The following CTTNBP2NL variants were observed in gnomAD, a reference collection of about 807,000 sequenced individuals.
CTTNBP2NL encodes the protein CTTNBP2 N-terminal-like protein.
In CTTNBP2NL, 16 loss-of-function variants were observed where a neutral mutation model predicts 32.5. The observed-to-expected ratio is 0.49, with a 90% confidence interval of 0.33 to 0.75. The LOEUF is 0.75. Among genes scored for constraint, CTTNBP2NL ranks in the 30% least tolerant of loss-of-function variants. The pLI, the probability that CTTNBP2NL is intolerant of heterozygous loss-of-function variation, is 0.02. For missense variants in CTTNBP2NL, 645 were observed against 756.0 expected, an observed-to-expected ratio of 0.85 and a Z score of 1.72; for synonymous variants, 298 against 289.4, an observed-to-expected ratio of 1.03 and a Z score of -0.30.
chr1:112,456,015 C>T lies in CTTNBP2NL; in HGVS notation c.523C>T (p.His175Tyr), dbSNP rs758227337. ...TCAGCTGGAAGAGGAGCGCTCCCGC[C>T]ACAAGCAGCTCTCATCCATGCTAGT... ...SSQLEEERSR[H>Y]KQLSSMLVLE... Residue 175 changes from histidine (H) to tyrosine (Y), a missense_variant, in exon 6 of 6, where the codon CAC (histidine) becomes TAC (tyrosine). Transcript: ENST00000271277. 16 of 1,613,984 alleles carry T rather than the reference C, an allele frequency of 9.9e-6. No individual in the cohort carries two copies. Among genetic ancestry groups the T allele is most frequent in the Non-Finnish European group, 1.4e-5 (16 of 1,180,020 alleles).
rs1049543307 is a variant in CTTNBP2NL, at chr1:112,458,000, G to A, written c.*588G>A. On this transcript the variant is annotated 3_prime_UTR_variant, in exon 6 of 6. Coordinates refer to ENST00000271277, the MANE Select transcript of CTTNBP2NL (RefSeq NM_018704.3). ...TAGAATGGGAATCCTTCTAAAGGTG[G>A]GTGTGAACTCACCACAAGCTGAGCT... 6.5e-6 allele frequency: 1 copy of A among 152,952 alleles called. No homozygotes were observed. Among genetic ancestry groups the A allele is most frequent in the East Asian group, 1.9e-4 (1 of 5,206 alleles). The allele number at this position is 152,952 out of a possible 1,614,324, so 9.5% of individuals were successfully genotyped here. A position where few individuals can be genotyped will look rare whatever the true frequency, so the allele number is the denominator to read the frequency against.
chr1:112,452,335 C>CTTTT lies in CTTNBP2NL; in HGVS notation c.331-2090_331-2087dup, dbSNP rs1157736195. On this transcript the variant is annotated intron_variant, in intron 4 of 5. Transcript: ENST00000271277. The stretch of plus-strand genomic sequence containing the variant: ...GCATACACCACAGCACCAGTCTCTT[C>CTTTT]TTTTTTTTTTTTTTTTTTTTTTTTT... Among the ~76,000 whole-genome samples the CTTTT allele has an allele frequency of 1.4e-3, 91 of 65,722 alleles. 6 individuals carry two copies. Among genetic ancestry groups the CTTTT allele is most frequent in the African/African-American group, 5.2e-3 (86 of 16,414 alleles). 43.1% of individuals were successfully genotyped at this position (65,722 alleles called of 152,430 possible).
intron 3 of CTTNBP2NL, among the ~76,000 whole-genome samples, chr1:112,426,003 GTC>G (rs759872132): frequency 0.15 from 8,504 of 57,268 alleles, 456 homozygotes; most frequent in South Asian, 0.26. Context: ...GTGTGTGTGT[GTC>G]TGTCTGTCTT....
intron 2 of CTTNBP2NL, 170 bp from the exon 3 acceptor site, chr1:112,415,987 T>G (rs191409593): frequency 4.2e-4 from 223 of 535,046 alleles, no homozygotes; most frequent in Admixed American, 1.9e-3. Flanking sequence ...TTTCTGTTGT[T>G]GCTTAGTTTG....
intron 1 of CTTNBP2NL, among the ~76,000 whole-genome samples, chr1:112,403,348 G>T (rs542022811): frequency 6.6e-6 from 1 of 152,292 alleles, no homozygotes; most frequent in African/African-American, 2.4e-5. Context: ...AAGTCCAGTT[G>T]TGTTGGCTGA....
intron 1 of CTTNBP2NL, among the ~76,000 whole-genome samples, chr1:112,397,178 A>G (rs1648356685): frequency 6.6e-6 from 1 of 152,214 alleles, no homozygotes; most frequent in Non-Finnish European, 1.5e-5. Flanking sequence ...CAGTCAATGA[A>G]TAACACCATG....
chr1:112,443,419 G>A (rs769313605), intron 3 of CTTNBP2NL, among the ~76,000 whole-genome samples: 3 of 152,160 alleles, frequency 2.0e-5, no homozygotes. Flanking sequence ...TCACCATGTT[G>A]GCCAGGCTGG....
At chr1:112,450,119 G>T (rs1382788068) in intron 4 of CTTNBP2NL, among the ~76,000 whole-genome samples, 1 of 152,196 alleles carries the variant, frequency 6.6e-6, no homozygotes, top group Admixed American at 6.5e-5. Context: ...TGCAAAATTT[G>T]GTGGACCTTA....
At position 112,460,563 on chromosome 1, in the gene CTTNBP2NL, G is replaced by A. The variant is rs1650521408; in HGVS notation, c.*3151G>A. Reference sequence around the variant, plus strand: ...GCCTATATGCAAAATTTGTTTGATGGCTTCATAGGATCCAAAGACCCTGAA... The same window carrying A: ...GCCTATATGCAAAATTTGTTTGATGACTTCATAGGATCCAAAGACCCTGAA... On this transcript the variant is annotated 3_prime_UTR_variant, in exon 6 of 6. Transcript: ENST00000271277. 1 of 152,130 alleles carries A rather than the reference G, an allele frequency of 6.6e-6. No homozygotes were observed. Among genetic ancestry groups the A allele is most frequent in the African/African-American group, 2.4e-5 (1 of 41,406 alleles). The allele number at this position is 152,130 out of a possible 1,614,324, so 9.4% of individuals were successfully genotyped here.
chr1:112,455,723 A>G (rs1215576032), intron 5 of CTTNBP2NL, among the ~76,000 whole-genome samples: 1 of 152,280 alleles, frequency 6.6e-6, no homozygotes, highest in East Asian at 1.9e-4. Context: ...GCAAGACAGT[A>G]TGGGAACTAG....
chr1:112,427,252 C>T (rs1007784372), intron 3 of CTTNBP2NL, among the ~76,000 whole-genome samples: 3 of 151,966 alleles, frequency 2.0e-5, no homozygotes, highest in African/African-American at 4.8e-5. Flanking sequence ...AGTATTTTTC[C>T]GAAGGCATTT....
intron 3 of CTTNBP2NL, among the ~76,000 whole-genome samples, chr1:112,440,716 A>G (rs1649869376): frequency 6.6e-6 from 1 of 152,364 alleles, no homozygotes; most frequent in South Asian, 2.1e-4. Context: ...TTAACTATAT[A>G]TAACACTTAT....
chr1:112,456,584 A>C lies in CTTNBP2NL; in HGVS notation c.1092A>C (p.Ala364=), dbSNP rs774612233. Residue 364 remains alanine, a synonymous_variant, in exon 6 of 6, where the codon GCA becomes GCC. Transcript: ENST00000271277. Reference sequence around the variant, plus strand: ...TACAAACTACCAGGGAGCTGACTGCAGGCAACAATGTAGAAAACCAGGTGC... The same window carrying C: ...TACAAACTACCAGGGAGCTGACTGCCGGCAACAATGTAGAAAACCAGGTGC... The part of the protein sequence containing the change: ...PEIQTTRELT[A]GNNVENQVPP... The C allele has an allele frequency of 2.7e-5, 43 of 1,614,160 alleles. No individual in the cohort carries two copies. Among genetic ancestry groups the C allele is most frequent in the Non-Finnish European group, 3.4e-5 (40 of 1,180,010 alleles).
At chr1:112,447,043 G>A (rs1650062774) in intron 3 of CTTNBP2NL, among the ~76,000 whole-genome samples, 1 of 152,094 alleles carries the variant, frequency 6.6e-6, no homozygotes, top group Non-Finnish European at 1.5e-5. Context: ...GGGAGGCCAA[G>A]GCGGGTGGAT....
chr1:112,455,362 G>A (rs550242954), intron 5 of CTTNBP2NL, among the ~76,000 whole-genome samples: 7 of 152,198 alleles, frequency 4.6e-5, no homozygotes, highest in South Asian at 2.1e-4. Context: ...AAAATTAGGC[G>A]GGTGTGGTGG....
chr1:112,429,818 C>T (rs1649508247), intron 3 of CTTNBP2NL, among the ~76,000 whole-genome samples: 1 of 152,172 alleles, frequency 6.6e-6, no homozygotes, highest in African/African-American at 2.4e-5. Context: ...TCACAGAGCA[C>T]TGTACTAAAT....
intron 3 of CTTNBP2NL, among the ~76,000 whole-genome samples, chr1:112,420,289 C>T (rs574087432): frequency 7.9e-5 from 12 of 151,626 alleles, no homozygotes; most frequent in Non-Finnish European, 1.2e-4. Flanking sequence ...GGATTACAGG[C>T]GTGCGCCACC....
chr1:112,409,904 G>C (rs1648801786), intron 1 of CTTNBP2NL, among the ~76,000 whole-genome samples: 1 of 152,154 alleles, frequency 6.6e-6, no homozygotes, highest in Admixed American at 6.5e-5. Flanking sequence ...TACAGTTAAG[G>C]AGGCACAGTG....
intron 3 of CTTNBP2NL, among the ~76,000 whole-genome samples, chr1:112,446,447 T>G (rs935469474): frequency 3.9e-5 from 6 of 152,222 alleles, no homozygotes; most frequent in African/African-American, 1.4e-4. Context: ...TATAGCTGAA[T>G]TTAAAGAAAC....
Sources: gnomAD v4.1 joint callset for allele counts (sites outside exome capture counted in the v4.1 genomes callset) on GRCh38, gnomAD v4.1.1 for gene constraint, MANE v1.5 for transcripts, NCBI Gene and HGNC (gene_info 2026-07-23, HGNC 2026-07-21) for gene names.